Variants in FYB2 observed in about 807,000 individuals in gnomAD.
The protein encoded by FYB2 is FYN-binding protein 2.
Under a neutral mutation model 94.1 loss-of-function variants are expected in FYB2, and 103 were observed. The observed-to-expected ratio is 1.09, with a 90% CI of 0.93 to 1.29. The LOEUF (loss-of-function observed/expected upper bound fraction) is 1.29, where lower values mean the gene tolerates loss of function less well. Ranked by LOEUF, FYB2 falls within the 50% of genes most tolerant of loss-of-function variation. The pLI is 0.00. For missense variants in FYB2, 896 were observed against 841.5 expected (o/e 1.06, Z -0.80); for synonymous variants, 293 against 287.9 (o/e 1.02, Z -0.18).
chr1:56,740,692 T>C lies in FYB2; in HGVS notation c.1703+5A>G. ...CGTGGAAAGGGATTTAAAGGGACTT[T>C]TTACCTTAAGTTTTCTTTCGACTTG... is the stretch of plus-strand genomic sequence containing the variant. On this transcript the variant is annotated splice_donor_5th_base_variant and intron_variant, in intron 13 of 19. Transcript: ENST00000343433. 6.4e-7 allele frequency: 1 copy of C among 1,562,226 alleles called. No homozygotes were observed. Among genetic ancestry groups the C allele is most frequent in the Non-Finnish European group, 8.8e-7 (1 of 1,138,776 alleles).
At chr1:56,755,462 A>G (rs1645304769) in intron 7 of FYB2, among the ~76,000 whole-genome samples, 1 of 152,098 alleles carries the variant, frequency 6.6e-6, no homozygotes, top group Non-Finnish European at 1.5e-5. Context: ...GGGGTGAATC[A>G]ATGACTTAAA....
intron 4 of FYB2, among the ~76,000 whole-genome samples, chr1:56,779,938 T>C (rs1355281994): frequency 6.6e-6 from 1 of 152,156 alleles, no homozygotes; most frequent in Non-Finnish European, 1.5e-5. Flanking sequence ...TTCTCACCTA[T>C]AAAATGACAA....
chr1:56,743,107 A>G (rs939782135), intron 11 of FYB2, among the ~76,000 whole-genome samples: 4 of 152,040 alleles, frequency 2.6e-5, no homozygotes, highest in Admixed American at 6.6e-5. Flanking sequence ...TTTCAAGTAT[A>G]TAATACTTTT....
At chr1:56,808,576 C>T (rs1322199215) in intron 1 of FYB2, among the ~76,000 whole-genome samples, 3 of 152,150 alleles carry the variant, frequency 2.0e-5, no homozygotes, top group Non-Finnish European at 2.9e-5. Flanking sequence ...CACCAGCTCC[C>T]AATTTCCTTC....
chr1:56,719,916 A>G (rs1203278091), intron 19 of FYB2, 106 bp downstream of exon 19: 8 of 1,272,742 alleles, frequency 6.3e-6, no homozygotes, highest in Non-Finnish European at 8.7e-6. Context: ...CTAATTTTTA[A>G]AACTTATCCT....
chr1:56,820,330 C>A (rs1646976789), upstream of FYB2, among the ~76,000 whole-genome samples: 1 of 152,002 alleles, frequency 6.6e-6, no homozygotes, highest in Non-Finnish European at 1.5e-5. Flanking sequence ...GAACCCAGAT[C>A]TGGCTGACTC....
At chr1:56,762,340 T>A (rs182641531) in intron 5 of FYB2, among the ~76,000 whole-genome samples, 1 of 152,176 alleles carries the variant, frequency 6.6e-6, no homozygotes, top group African/African-American at 2.4e-5. Flanking sequence ...TTAATTTTAC[T>A]GTGTTGTGTC....
chr1:56,723,704 G>A, intron 16 of FYB2, 23 bp from the exon 17 acceptor site: 1 of 1,359,590 alleles, frequency 7.4e-7, no homozygotes, highest in Non-Finnish European at 1.0e-6. Context: ...GTGCAGGTAG[G>A]GTAAAACGTA....
chr1:56,740,343 C>T (rs904285303), intron 13 of FYB2, among the ~76,000 whole-genome samples: 7 of 152,016 alleles, frequency 4.6e-5, no homozygotes, highest in African/African-American at 1.7e-4. Flanking sequence ...GCTTGTAGGG[C>T]CCCAAAAGCA....
intron 14 of FYB2, 147 bp downstream of exon 14, chr1:56,738,478 C>A: frequency 2.5e-6 from 2 of 799,732 alleles, no homozygotes; most frequent in Non-Finnish European, 1.9e-6. Context: ...TAAAAAAATA[C>A]TTCCGTGTGA....
intron 8 of FYB2, among the ~76,000 whole-genome samples, chr1:56,753,418 G>A (rs975020644): frequency 6.6e-6 from 1 of 152,054 alleles, no homozygotes; most frequent in African/African-American, 2.4e-5. Context: ...GAATGGGGAT[G>A]GTAATTGGGT....
chr1:56,826,279 T>C, the FYB2 span, among the ~76,000 whole-genome samples: 32 of 152,210 alleles, frequency 2.1e-4, no homozygotes, highest in Admixed American at 1.0e-3. Context: ...TTTTACCTGA[T>C]TGATCTTCCC....
intron 4 of FYB2, among the ~76,000 whole-genome samples, chr1:56,773,633 A>G (rs377562848): frequency 9.2e-5 from 14 of 152,290 alleles, no homozygotes; most frequent in African/African-American, 3.4e-4. Context: ...CTGCATGATG[A>G]TGACTCAAAA....
Position 56,752,678 on chromosome 1 carries a change from C to G in FYB2, c.1227+1161G>C, listed in dbSNP as rs898321013. Among the ~76,000 whole-genome samples, 11 of 152,144 alleles carry G rather than the reference C, an allele frequency of 7.2e-5. 1 individual carries two copies. The highest frequency in any genetic ancestry group is 7.2e-4 in the Admixed American group (11 of 15,280). On this transcript the variant is annotated intron_variant, in intron 8 of 19. Transcript: ENST00000343433. Reference sequence around the variant, plus strand: ...CAATGTAGTCCCATAATGAAAGCAGCCCCTCATTCACCTAACATATTCTAA... The same window carrying G: ...CAATGTAGTCCCATAATGAAAGCAGGCCCTCATTCACCTAACATATTCTAA...
At chr1:56,729,774 A>C (rs1247066210) in intron 15 of FYB2, among the ~76,000 whole-genome samples, 1 of 152,124 alleles carries the variant, frequency 6.6e-6, no homozygotes, top group Non-Finnish European at 1.5e-5. Context: ...ACTGTTCATA[A>C]GTTAGGACAC....
chr1:56,786,147 A>G (rs1262376925), intron 4 of FYB2, among the ~76,000 whole-genome samples: 2 of 152,140 alleles, frequency 1.3e-5, no homozygotes, highest in Non-Finnish European at 2.9e-5. Context: ...TCCCCTCAAC[A>G]TGTGAGCCAC....
rs530281214 is a variant in FYB2, at chr1:56,767,321, C to T, written c.1063+508G>A. 2.6e-5 allele frequency among the ~76,000 whole-genome samples: 4 copies of T among 152,266 alleles called. No homozygotes were observed. In the South Asian group the frequency reaches 8.3e-4, roughly 32 times the overall value. ...ATGTCCCGAGCATTGTCAGCAATGC[C>T]AGAGGCAGGAAGACTTAGCTCTGAG... On this transcript the variant is annotated intron_variant, in intron 5 of 19. Coordinates refer to ENST00000343433, the MANE Select transcript of FYB2 (RefSeq NM_001004303.5).
chr1:56,795,416 T>TTATGAA (rs1646373812), intron 1 of FYB2, among the ~76,000 whole-genome samples: 1 of 152,204 alleles, frequency 6.6e-6, no homozygotes, highest in African/African-American at 2.4e-5. Context: ...ATCTTAGCTA[T>TTATGAA]TATGAATGAT....
rs375693635 is a variant in FYB2 at position 56,759,124 on chromosome 1, T to A, written c.1064-374A>T. Among the ~76,000 whole-genome samples, 4 of 152,298 alleles carry A rather than the reference T, an allele frequency of 2.6e-5. No homozygotes were observed. The East Asian group carries it at 7.7e-4, about 29-fold the overall frequency. ...TAAATCCCACTTCAACAAAATGAAT[T>A]CTCTATCATGCCCCAAAGTGCTCTG... On this transcript the variant is annotated intron_variant, in intron 5 of 19. Coordinates refer to ENST00000343433, the MANE Select transcript of FYB2 (RefSeq NM_001004303.5).
Sources: gnomAD v4.1 joint callset for allele counts (sites outside exome capture counted in the v4.1 genomes callset) on GRCh38, gnomAD v4.1.1 for gene constraint, MANE v1.5 for transcripts, NCBI Gene and HGNC (gene_info 2026-07-23, HGNC 2026-07-21) for gene names.